FHIT: variants seen among roughly 807,000 people sequenced by gnomAD.
FHIT encodes bis(5'-adenosyl)-triphosphatase.
A neutral mutation model predicts 17.9 loss-of-function variants in FHIT; 19 were observed. The ratio of observed to expected loss-of-function variants is 1.06; its 90% confidence interval spans 0.74 to 1.56. FHIT has a LOEUF of 1.56. Among genes scored for constraint, FHIT ranks in the 40% most tolerant of loss-of-function variants. The probability of loss-of-function intolerance (pLI) is 0.00; values close to 1 mark genes in which losing one functional copy is unlikely to be tolerated. For synonymous variants in FHIT, 81 were observed against 69.7 expected (o/e 1.16, Z -0.81); for missense variants, 248 against 189.2 (o/e 1.31, Z -1.82).
chr3:61,032,167 C>A (rs1219395784), intron 3 of FHIT, among the ~76,000 whole-genome samples: 1 of 152,168 alleles, frequency 6.6e-6, no homozygotes, highest in Non-Finnish European at 1.5e-5. Context: ...TTGAGGAACT[C>A]CTACAGGTAA....
chr3:61,016,913 A>G (rs2107636683), intron 3 of FHIT, among the ~76,000 whole-genome samples: 1 of 152,364 alleles, frequency 6.6e-6, no homozygotes, highest in South Asian at 2.1e-4. Context: ...TTTCTCCACA[A>G]AAGATGACCT....
intron 4 of FHIT, among the ~76,000 whole-genome samples, chr3:60,641,184 AAAAAG>A (rs1187679772): frequency 5.9e-5 from 9 of 152,208 alleles, no homozygotes; most frequent in Non-Finnish European, 1.2e-4. Context: ...CTGTCTCAAA[AAAAAG>A]AAAAGAAAAG....
chr3:61,043,314 C>G (rs56743334), intron 2 of FHIT, among the ~76,000 whole-genome samples: 14 of 151,446 alleles, frequency 9.2e-5, no homozygotes, highest in East Asian at 3.9e-4. Flanking sequence ...TATCCCGCGC[C>G]TAGCTCGGAG....
At position 60,626,783 on chromosome 3, in the gene FHIT, C is replaced by CTTTTTTTTTTTTTTTTTTTTT. The variant is rs71627548; in HGVS notation, c.-17-89805_-17-89804insAAAAAAAAAAAAAAAAAAAAA. 3.5e-5 allele frequency among the ~76,000 whole-genome samples: 3 copies of CTTTTTTTTTTTTTTTTTTTTT among 85,942 alleles called. 1 individual carries two copies. Among genetic ancestry groups the CTTTTTTTTTTTTTTTTTTTTT allele is most frequent in the Non-Finnish European group, 8.5e-5 (3 of 35,216 alleles). The allele number at this position is 85,942 out of a possible 152,430, so 56.4% of individuals were successfully genotyped here. On this transcript the variant is annotated intron_variant, in intron 4 of 9. Transcript: ENST00000492590. ...TTCTTCCTTATCTTAGGGGAAAACA[C>CTTTTTTTTTTTTTTTTTTTTT]TCTTTTTTTTTTTTTTTTTTACGTT...
chr3:60,616,765 C>G (rs2682984), intron 4 of FHIT: 131,915 of 152,230 alleles, frequency 0.87, 57,320 homozygotes, highest in Non-Finnish European at 0.89. Flanking sequence ...TTGACCTATA[C>G]ATTCAATGCA....
intron 5 of FHIT, among the ~76,000 whole-genome samples, chr3:60,039,804 A>G: frequency 6.6e-6 from 1 of 152,268 alleles, no homozygotes; most frequent in African/African-American, 2.4e-5. Flanking sequence ...TGAGTTGAAA[A>G]CATTAATGCT....
chr3:60,695,384 A>G (rs180926017), intron 4 of FHIT, among the ~76,000 whole-genome samples: 22 of 152,320 alleles, frequency 1.4e-4, no homozygotes, highest in African/African-American at 5.3e-4. Flanking sequence ...CGACAGAGTG[A>G]GACTCTGTCT....
At chr3:60,456,293 C>T (rs918178817) in intron 5 of FHIT, among the ~76,000 whole-genome samples, 3 of 152,088 alleles carry the variant, frequency 2.0e-5, no homozygotes, top group African/African-American at 4.8e-5. Context: ...TGATGGTTAC[C>T]GACAAATCTT....
intron 5 of FHIT, among the ~76,000 whole-genome samples, chr3:60,134,527 T>G (rs1699731678): frequency 6.6e-6 from 1 of 152,204 alleles, no homozygotes; most frequent in Admixed American, 6.5e-5. Context: ...GGTCATAGAT[T>G]GTGAATGACA....
At chr3:60,403,669 G>A (rs898502177) in intron 5 of FHIT, among the ~76,000 whole-genome samples, 3 of 152,162 alleles carry the variant, frequency 2.0e-5, no homozygotes, top group South Asian at 2.1e-4. Context: ...GAATGCTGCT[G>A]AGAGGCAAAG....
intron 5 of FHIT, among the ~76,000 whole-genome samples, chr3:60,493,974 C>A (rs918581612): frequency 6.6e-6 from 1 of 151,994 alleles, no homozygotes; most frequent in Non-Finnish European, 1.5e-5. Flanking sequence ...TTTTTCAGAT[C>A]AAGAGGGAGG....
At chr3:61,240,751 T>C in intron 1 of FHIT, among the ~76,000 whole-genome samples, 1 of 152,324 alleles carries the variant, frequency 6.6e-6, no homozygotes, top group Middle Eastern at 3.4e-3. Context: ...CCCCCTTCTT[T>C]ACATAATTTT....
At chr3:60,501,534 A>C (rs1050639454) in intron 5 of FHIT, among the ~76,000 whole-genome samples, 4 of 152,176 alleles carry the variant, frequency 2.6e-5, no homozygotes, top group African/African-American at 7.2e-5. Context: ...TCACAGATGG[A>C]AGTCACAATT....
intron 5 of FHIT, among the ~76,000 whole-genome samples, chr3:60,274,170 T>G (rs1286929258): frequency 6.6e-6 from 1 of 152,126 alleles, no homozygotes; most frequent in African/African-American, 2.4e-5. Flanking sequence ...TTACACGATT[T>G]TATAATATCA....
At chr3:60,762,676 T>C (rs1327893303) in intron 4 of FHIT, among the ~76,000 whole-genome samples, 1 of 152,208 alleles carries the variant, frequency 6.6e-6, no homozygotes, top group Non-Finnish European at 1.5e-5. Flanking sequence ...GAAGGTAATT[T>C]TTAGATGAGA....
chr3:60,130,772 G>GTA (rs1411900016), intron 5 of FHIT, among the ~76,000 whole-genome samples: 15 of 300 alleles, frequency 0.05, no homozygotes, highest in Admixed American at 0.23. Context: ...GTGTTTGTGT[G>GTA]TGTGTGTGTG....
At chr3:60,895,722 CTTTCTTTCT>C (rs1705773401) in intron 3 of FHIT, among the ~76,000 whole-genome samples, 1 of 91,674 alleles carries the variant, frequency 1.1e-5, no homozygotes, top group African/African-American at 3.6e-5. Flanking sequence ...TTCTTTCTTT[CTTTCTTTCT>C]TTCTTCTTTC....
intron 5 of FHIT, among the ~76,000 whole-genome samples, chr3:60,438,936 G>A (rs2030540710): frequency 6.6e-6 from 1 of 152,104 alleles, no homozygotes; most frequent in African/African-American, 2.4e-5. Flanking sequence ...TACTTTTAGT[G>A]TATTTACATG....
chr3:60,192,968 T>G (rs536870786), intron 5 of FHIT, among the ~76,000 whole-genome samples: 13 of 152,322 alleles, frequency 8.5e-5, no homozygotes, highest in African/African-American at 2.9e-4. Context: ...CTCTCTGTGT[T>G]CTTAAAATCA....
Sources: allele counts gnomAD v4.1 joint callset (sites outside exome capture counted in the v4.1 genomes callset), GRCh38; gene constraint gnomAD v4.1.1; transcripts MANE v1.5; gene names NCBI Gene and HGNC (gene_info 2026-07-23, HGNC 2026-07-21).